The following EBF3 variants were observed in gnomAD, a reference collection of about 807,000 sequenced individuals.
The protein encoded by EBF3 is transcription factor COE3.
In EBF3, 18 loss-of-function variants were observed where a neutral mutation model predicts 77.1. That is an observed-to-expected ratio of 0.23 (90% CI 0.16 to 0.35). EBF3 has a LOEUF of 0.35. Ranked by LOEUF, EBF3 falls within the 10% of genes least tolerant of loss-of-function variation. The pLI is 1.00. For synonymous variants in EBF3, 350 were observed against 343.5 expected (o/e 1.02, Z -0.21); for missense variants, 558 against 860.0 (o/e 0.65, Z 4.39).
intron 6 of EBF3, among the ~76,000 whole-genome samples, chr10:129,933,239 A>T (rs1322873927): frequency 6.6e-6 from 1 of 152,210 alleles, no homozygotes; most frequent in Non-Finnish European, 1.5e-5. Context: ...CACCAAGTAG[A>T]TCCACAAACA....
intron 6 of EBF3, among the ~76,000 whole-genome samples, chr10:129,927,568 C>T (rs1163000459): frequency 2.0e-5 from 3 of 152,180 alleles, no homozygotes; most frequent in Non-Finnish European, 4.4e-5. Context: ...CTGGCAACGA[C>T]GGGGAGCTCA....
At chr10:129,859,066 G>A (rs531887139) in intron 10 of EBF3, among the ~76,000 whole-genome samples, 231 of 152,330 alleles carry the variant, frequency 1.5e-3, no homozygotes, top group Non-Finnish European at 1.6e-3. Context: ...GTGAAGTCAA[G>A]TTGCTCCATG....
chr10:129,865,811 T>C (rs978123753), intron 10 of EBF3, among the ~76,000 whole-genome samples: 4 of 152,228 alleles, frequency 2.6e-5, no homozygotes, highest in African/African-American at 7.2e-5. Context: ...GCATCCTCCA[T>C]GTCACCCGCT....
chr10:129,913,523 C>T (rs1470863534), intron 6 of EBF3, among the ~76,000 whole-genome samples: 2 of 152,384 alleles, frequency 1.3e-5, no homozygotes, highest in African/African-American at 2.4e-5. Context: ...CTGTATTTTC[C>T]GGGGAACGGC....
intron 6 of EBF3, among the ~76,000 whole-genome samples, chr10:129,919,294 G>A (rs761919086): frequency 7.9e-5 from 12 of 152,120 alleles, no homozygotes; most frequent in Admixed American, 2.6e-4. Flanking sequence ...AAGCAGATAC[G>A]GAGGGAAGGC....
In EBF3 at chr10:129,848,294, T is replaced by C. The variant is rs1184561399; in HGVS notation, c.1128+98A>G. 86 of 1,264,798 alleles carry C rather than the reference T, an allele frequency of 6.8e-5. No individual in the cohort carries two copies. The highest frequency in any genetic ancestry group is 9.5e-5 in the Non-Finnish European group (82 of 864,856). The allele number at this position is 1,264,798 out of a possible 1,614,324, so 78.3% of individuals were successfully genotyped here. ...TGGTGGGCACAGAGTTTGGGGAATC[T>C]GCAATCCCCCCTTCCCAGAGCACCT... On this transcript the variant is annotated intron_variant, in intron 11 of 16. Transcript: ENST00000440978. The surrounding 1 kb of genome is among the most constrained non-coding windows in gnomAD (Gnocchi z 4.4).
intron 11 of EBF3, among the ~76,000 whole-genome samples, chr10:129,846,710 C>T (rs973029769): frequency 6.6e-6 from 1 of 151,994 alleles, no homozygotes; most frequent in African/African-American, 2.4e-5. Flanking sequence ...TCCATTAGAA[C>T]AAAATCAAAT....
chr10:129,960,985 G>A (rs1336645214), intron 4 of EBF3, among the ~76,000 whole-genome samples: 1 of 152,180 alleles, frequency 6.6e-6, no homozygotes, highest in African/African-American at 2.4e-5. Flanking sequence ...TTACCTGTCA[G>A]ATCTGTTTTA....
At chr10:129,892,394 T>C (rs538033282) in intron 6 of EBF3, among the ~76,000 whole-genome samples, 6 of 152,354 alleles carry the variant, frequency 3.9e-5, no homozygotes, top group South Asian at 2.1e-4. Flanking sequence ...ATTGGAACCA[T>C]AGGAGCCAAG....
chr10:129,922,247 A>G (rs1392697315), intron 6 of EBF3, among the ~76,000 whole-genome samples: 1 of 151,964 alleles, frequency 6.6e-6, no homozygotes, highest in Non-Finnish European at 1.5e-5. Context: ...GCTGATTCCC[A>G]CTCACAACGA....
chr10:129,878,661 CAAAAAAA>C (rs538628576), intron 6 of EBF3, among the ~76,000 whole-genome samples: 2 of 34,850 alleles, frequency 5.7e-5, no homozygotes, highest in Non-Finnish European at 5.1e-5. Context: ...GGCTCTGTCT[CAAAAAAA>C]AAAAAAAAAA....
rs987561192 is a variant in EBF3 at position 129,938,953 on chromosome 10, C to T, written c.554+18305G>A. Among the ~76,000 whole-genome samples the T allele has an allele frequency of 6.6e-6, 1 of 152,222 alleles. No individual in the cohort carries two copies. The highest frequency in any genetic ancestry group is 1.5e-5 in the Non-Finnish European group (1 of 68,032). On this transcript the variant is annotated intron_variant, in intron 6 of 16. Coordinates refer to ENST00000440978, the MANE Select transcript of EBF3 (RefSeq NM_001375380.1). The surrounding 1 kb of genome is among the most constrained non-coding windows in gnomAD (Gnocchi z 5.1). ...TATCCCAACTCCATCCTTTAAACAG[C>T]TCCTAGAACCTCTGACCTGTCCCAA...
intron 6 of EBF3, among the ~76,000 whole-genome samples, chr10:129,922,410 C>T (rs1856373645): frequency 6.6e-6 from 1 of 152,238 alleles, no homozygotes; most frequent in African/African-American, 2.4e-5. Context: ...ACACCCCACC[C>T]GTGCCCCCCG....
chr10:129,961,719 TCTC>T (rs1175447915), intron 4 of EBF3, among the ~76,000 whole-genome samples: 13 of 151,798 alleles, frequency 8.6e-5, no homozygotes, highest in African/African-American at 3.2e-4. Flanking sequence ...CAAATAAACG[TCTC>T]GTGTTACTAG....
At chr10:129,928,104 C>T (rs1856790492) in intron 6 of EBF3, among the ~76,000 whole-genome samples, 1 of 152,168 alleles carries the variant, frequency 6.6e-6, no homozygotes, top group African/African-American at 2.4e-5. Context: ...CTCAAGACGT[C>T]CAGCCGAGTA....
chr10:129,953,007 G>A (rs1406144805), intron 6 of EBF3, among the ~76,000 whole-genome samples: 36 of 146,652 alleles, frequency 2.5e-4, no homozygotes, highest in Non-Finnish European at 3.0e-4. Flanking sequence ...TTTGTGACAG[G>A]AAGTGAAAGG....
chr10:129,859,998 C>G (rs1303136776), intron 10 of EBF3, among the ~76,000 whole-genome samples: 2 of 152,200 alleles, frequency 1.3e-5, no homozygotes, highest in Non-Finnish European at 2.9e-5. Flanking sequence ...GCTGATGTCT[C>G]CCTTGGTCTT....
chr10:129,849,623 C>T (rs1000882033), intron 10 of EBF3, among the ~76,000 whole-genome samples: 2 of 152,174 alleles, frequency 1.3e-5, no homozygotes, highest in Non-Finnish European at 2.9e-5. Flanking sequence ...TTGTAAGCAA[C>T]GCAGGAAGCC....
At position 129,959,632 on chromosome 10, in the gene EBF3, G is replaced by A. The variant is rs943179765; in HGVS notation, c.412-625C>T. On this transcript the variant is annotated intron_variant, in intron 4 of 16. Transcript: ENST00000440978. ...CCGCGTTCCAAACCCAGGCGCCCGC[G>A]GGGAGCAGGCCGCCCTGGACCGGCC... 3.3e-5 allele frequency among the ~76,000 whole-genome samples: 5 copies of A among 152,068 alleles called. No homozygotes were observed. The East Asian group carries it at 9.8e-4, about 30-fold the overall frequency.
Sources: allele counts gnomAD v4.1 joint callset (sites outside exome capture counted in the v4.1 genomes callset), GRCh38; gene constraint gnomAD v4.1.1; non-coding constraint Gnocchi (gnomAD v3.1); transcripts MANE v1.5; gene names NCBI Gene and HGNC (gene_info 2026-07-23, HGNC 2026-07-21).